Variants in YTHDF3 observed in about 807,000 individuals in gnomAD.
YTHDF3 encodes YTH N6-methyladenosine RNA binding protein F3.
A neutral mutation model predicts 52.5 loss-of-function variants in YTHDF3; 9 were observed. The ratio of observed to expected loss-of-function variants is 0.17; its 90% CI spans 0.10 to 0.30. The LOEUF is 0.30. Ranked by LOEUF, YTHDF3 falls within the 10% of genes least tolerant of loss-of-function variation. The pLI, the probability that YTHDF3 is intolerant of heterozygous loss-of-function variation, is 1.00. For synonymous variants in YTHDF3, 274 were observed against 243.3 expected (o/e 1.13, Z -1.18); for missense variants, 534 against 715.0 (o/e 0.75, Z 2.89).
At chr8:63,207,555 G>C (rs144313566) in intron 4 of YTHDF3, among the ~76,000 whole-genome samples, 40 of 152,072 alleles carry the variant, frequency 2.6e-4, no homozygotes, top group African/African-American at 9.2e-4. Context: ...TGAGTTGGAA[G>C]TTATGCATTA....
chr8:63,175,531 G>C (rs936910790), intron 3 of YTHDF3, 115 bp downstream of exon 3: 28 of 839,178 alleles, frequency 3.3e-5, no homozygotes, highest in Non-Finnish European at 5.2e-5. Flanking sequence ...TTCATCTAGT[G>C]TACCTATATA....
intron 3 of YTHDF3, among the ~76,000 whole-genome samples, chr8:63,180,295 CG>C (rs1398650257): frequency 1.4e-5 from 2 of 147,704 alleles, no homozygotes; most frequent in Non-Finnish European, 3.0e-5. Context: ...ACATCCCGGA[CG>C]GGGCGGCAGG....
chr8:63,196,839 G>A (rs1381410334), intron 4 of YTHDF3, among the ~76,000 whole-genome samples: 4 of 152,066 alleles, frequency 2.6e-5, no homozygotes, highest in Admixed American at 1.3e-4. Context: ...GCTTAGCCAC[G>A]TACTGTTCAT....
intron 3 of YTHDF3, among the ~76,000 whole-genome samples, chr8:63,177,930 A>G (rs933185745): frequency 6.6e-6 from 1 of 151,898 alleles, no homozygotes; most frequent in Non-Finnish European, 1.5e-5. Context: ...GCTAATTTTT[A>G]TATTTTTAGG....
At chr8:63,205,177 C>T (rs1809943093) in intron 4 of YTHDF3, among the ~76,000 whole-genome samples, 1 of 152,096 alleles carries the variant, frequency 6.6e-6, no homozygotes, top group Non-Finnish European at 1.5e-5. Flanking sequence ...CTCAGTTTTT[C>T]CTCAAGAGAT....
chr8:63,173,202 T>TTTTATATATATATATA lies in YTHDF3; in HGVS notation c.50-2128_50-2127insTTATATATATATATAT, dbSNP rs1554533374. The stretch of plus-strand genomic sequence containing the variant: ...AAAAATAAGAATAACAGGATTATAT[T>TTTTATATATATATATA]TATATATATATACAGATAAATTTTA... On this transcript the variant is annotated intron_variant, in intron 2 of 4. Coordinates refer to ENST00000539294, the MANE Select transcript of YTHDF3 (RefSeq NM_152758.6). Among the ~76,000 whole-genome samples the TTTTATATATATATATA allele has an allele frequency of 1.4e-4, 18 of 125,910 alleles. 2 individuals are homozygous for TTTTATATATATATATA. Among genetic ancestry groups the TTTTATATATATATATA allele is most frequent in the African/African-American group, 6.9e-4 (17 of 24,796 alleles). 82.6% of individuals were successfully genotyped at this position (125,910 alleles called of 152,430 possible).
At chr8:63,180,458 C>T (rs1271057128) in intron 3 of YTHDF3, among the ~76,000 whole-genome samples, 2 of 150,076 alleles carry the variant, frequency 1.3e-5, no homozygotes, top group Non-Finnish European at 3.0e-5. Flanking sequence ...GATGAGATGG[C>T]GGCCGGGCAG....
chr8:63,194,407 C>A (rs1303398856), intron 4 of YTHDF3, among the ~76,000 whole-genome samples: 1 of 152,174 alleles, frequency 6.6e-6, no homozygotes, highest in South Asian at 2.1e-4. Context: ...ATCACTTGAA[C>A]CCGGTAGGCA....
Position 63,169,465 on chromosome 8 carries a change from T to G in YTHDF3, c.49+54T>G, listed in dbSNP as rs901414778. On this transcript the variant is annotated intron_variant, in intron 2 of 4. Coordinates refer to ENST00000539294, the MANE Select transcript of YTHDF3 (RefSeq NM_152758.6). ...GCTCAATGTTGCCTTAATGTTACTT[T>G]TAAACTCTGTGAGGGTATTTTGTTT... 5 of 1,531,956 alleles carry G rather than the reference T, an allele frequency of 3.3e-6. No individual in the cohort carries two copies. In the Admixed American group the frequency reaches 1.0e-4, roughly 31 times the overall value. 94.9% of individuals were successfully genotyped at this position (1,531,956 alleles called of 1,614,324 possible). A position where few individuals can be genotyped will look rare whatever the true frequency, so the allele number is the denominator to read the frequency against.
chr8:63,197,045 G>A (rs1809286245), intron 4 of YTHDF3, among the ~76,000 whole-genome samples: 2 of 152,120 alleles, frequency 1.3e-5, no homozygotes, highest in African/African-American at 4.8e-5. Flanking sequence ...TCGCATTATG[G>A]TCCTTCACGC....
At chr8:63,197,869 ATTCT>A (rs1194395203) in intron 4 of YTHDF3, among the ~76,000 whole-genome samples, 3 of 152,280 alleles carry the variant, frequency 2.0e-5, no homozygotes, top group East Asian at 1.9e-4. Context: ...TATTGAGGTG[ATTCT>A]TTCTTTTGAA....
chr8:63,177,750 C>A (rs1458215994), intron 3 of YTHDF3, among the ~76,000 whole-genome samples: 2 of 150,866 alleles, frequency 1.3e-5, no homozygotes, highest in Non-Finnish European at 3.0e-5. Context: ...CTGACTTGTT[C>A]AAACTCTTAT....
At chr8:63,200,429 T>C (rs934309485) in intron 4 of YTHDF3, among the ~76,000 whole-genome samples, 28 of 152,104 alleles carry the variant, frequency 1.8e-4, no homozygotes, top group Non-Finnish European at 3.7e-4. Flanking sequence ...TTTTTCTTTT[T>C]TTTTTCCTTA....
At chr8:63,190,524 G>A (rs1050380099) in intron 4 of YTHDF3, among the ~76,000 whole-genome samples, 6 of 151,948 alleles carry the variant, frequency 3.9e-5, no homozygotes, top group South Asian at 2.1e-4. Context: ...TCCTAAAGCC[G>A]CCTCCTTACA....
chr8:63,198,369 C>T (rs1319075148), intron 4 of YTHDF3, among the ~76,000 whole-genome samples: 12 of 152,248 alleles, frequency 7.9e-5, no homozygotes, highest in Admixed American at 6.5e-4. Context: ...GGGATTCAAA[C>T]GATTCTCATG....
rs1205941092 is a variant in YTHDF3, at chr8:63,210,532, C to G, written c.*826C>G. Reference sequence around the variant, plus strand: ...TGACCTTTATAACTACATTTAAAACCCTTAATTCCTATTTCTGGGTGTTTG... The same window carrying G: ...TGACCTTTATAACTACATTTAAAACGCTTAATTCCTATTTCTGGGTGTTTG... On this transcript the variant is annotated 3_prime_UTR_variant, in exon 5 of 5. Transcript: ENST00000539294. 6.6e-6 allele frequency: 1 copy of G among 152,436 alleles called. No individual in the cohort carries two copies. The highest frequency in any genetic ancestry group is 2.4e-5 in the African/African-American group (1 of 41,388). The allele number at this position is 152,436 out of a possible 1,614,324, so 9.4% of individuals were successfully genotyped here.
rs560550722 is a variant in YTHDF3, at chr8:63,211,588, C to G, written c.*1882C>G. 6.6e-6 allele frequency: 1 copy of G among 152,594 alleles called. No homozygotes were observed. Among genetic ancestry groups the G allele is most frequent in the East Asian group, 1.9e-4 (1 of 5,188 alleles). The allele number at this position is 152,594 out of a possible 1,614,324, so 9.5% of individuals were successfully genotyped here. A position where few individuals can be genotyped will look rare whatever the true frequency, so the allele number is the denominator to read the frequency against. On this transcript the variant is annotated 3_prime_UTR_variant, in exon 5 of 5. Coordinates refer to ENST00000539294, the MANE Select transcript of YTHDF3 (RefSeq NM_152758.6). Reference sequence around the variant, plus strand: ...ACCTTGTAGGAAGGATCTGAGTCCTCCCCCTGAGGTTCTCTTTTTCTTGGT... The same window carrying G: ...ACCTTGTAGGAAGGATCTGAGTCCTGCCCCTGAGGTTCTCTTTTTCTTGGT...
chr8:63,187,157 C>T lies in YTHDF3; in HGVS notation c.1146C>T (p.Val382=), dbSNP rs775021689. The T allele has an allele frequency of 3.6e-5, 58 of 1,613,838 alleles. No individual in the cohort carries two copies. The highest frequency in any genetic ancestry group is 1.7e-5 in the Admixed American group (1 of 59,980). The part of the protein sequence containing the change: ...SENFGLGVVP[V]SASPSSVEVH... ...ACTTTGGTTTAGGTGTTGTACCTGT[C>T]AGTGCTTCACCTTCTAGTGTAGAAG... is the stretch of plus-strand genomic sequence containing the variant. The change falls in exon 4 of 5, where the codon GTC becomes GTT. Residue 382 remains valine (V), a synonymous_variant. Transcript: ENST00000539294.
At chr8:63,172,673 G>T (rs888577412) in intron 2 of YTHDF3, 1 of 800,688 alleles carries the variant, frequency 1.2e-6, no homozygotes, top group Non-Finnish European at 1.7e-6. Flanking sequence ...ATGATGCACA[G>T]ATCTGTTGAC....
Sources: allele counts gnomAD v4.1 joint callset (sites outside exome capture counted in the v4.1 genomes callset), GRCh38; gene constraint gnomAD v4.1.1; transcripts MANE v1.5; gene names NCBI Gene and HGNC (gene_info 2026-07-23, HGNC 2026-07-21).